Variants in RPH3AL observed in about 807,000 individuals in gnomAD.
RPH3AL encodes the protein rabphilin 3A like (without C2 domains).
RPH3AL carries 38 observed loss-of-function variants against 43.1 expected under a neutral mutation model. That is an observed-to-expected ratio of 0.88 (90% CI 0.68 to 1.15). The LOEUF is 1.15. Ranked by LOEUF, RPH3AL falls within the 50% of genes most tolerant of loss-of-function variation. RPH3AL has a pLI of 0.00. For missense variants in RPH3AL, 462 were observed against 423.2 expected (o/e 1.09, Z -0.81); for synonymous variants, 189 against 176.3 (o/e 1.07, Z -0.57).
chr17:238,783 T>A (rs1361113910), intron 7 of RPH3AL, among the ~76,000 whole-genome samples: 2 of 152,166 alleles, frequency 1.3e-5, no homozygotes, highest in Non-Finnish European at 2.9e-5. Context: ...GAAATCCAGC[T>A]TGAAGGCAAG....
chr17:275,969 A>C (rs2042646326), intron 6 of RPH3AL, among the ~76,000 whole-genome samples: 1 of 152,228 alleles, frequency 6.6e-6, no homozygotes, highest in African/African-American at 2.4e-5. Context: ...TGGAAAGTCC[A>C]GAGCTGGGAA....
intron 5 of RPH3AL, among the ~76,000 whole-genome samples, chr17:302,782 T>C (rs1471287844): frequency 2.0e-5 from 3 of 152,218 alleles, no homozygotes. Flanking sequence ...ACATGTATAG[T>C]CATGGGACGA....
chr17:297,396 G>A (rs2043209878), intron 5 of RPH3AL, among the ~76,000 whole-genome samples: 1 of 152,234 alleles, frequency 6.6e-6, no homozygotes, highest in African/African-American at 2.4e-5. Flanking sequence ...TTCACAGCCA[G>A]CTGCTCAGAA....
At chr17:258,316 T>C (rs187478926) in intron 6 of RPH3AL, among the ~76,000 whole-genome samples, 1 of 152,354 alleles carries the variant, frequency 6.6e-6, no homozygotes, top group Non-Finnish European at 1.5e-5. Context: ...TAAACGCTGG[T>C]TGAATGACTG....
At chr17:249,631 C>T (rs1555541493) in intron 6 of RPH3AL, among the ~76,000 whole-genome samples, 1 of 151,794 alleles carries the variant, frequency 6.6e-6, no homozygotes, top group African/African-American at 2.4e-5. Context: ...CCGCAAACTT[C>T]CTCTGCATCA....
chr17:265,837 G>A, intron 6 of RPH3AL, among the ~76,000 whole-genome samples: 1 of 120,580 alleles, frequency 8.3e-6, no homozygotes, highest in Admixed American at 8.4e-5. Context: ...GATCCACAGT[G>A]GGCTGTCTTC....
At chr17:273,321 G>A (rs1392250303) in intron 6 of RPH3AL, among the ~76,000 whole-genome samples, 1 of 94,576 alleles carries the variant, frequency 1.1e-5, no homozygotes, top group African/African-American at 3.7e-5. Flanking sequence ...CAGCGAGGGT[G>A]ATGTCAGGGA....
intron 7 of RPH3AL, among the ~76,000 whole-genome samples, chr17:238,984 G>T (rs1426453342): frequency 6.6e-6 from 1 of 152,218 alleles, no homozygotes; most frequent in East Asian, 1.9e-4. Flanking sequence ...CACACTGTCT[G>T]CAGGGATCAG....
At chr17:224,952 C>T (rs946291270) in intron 7 of RPH3AL, among the ~76,000 whole-genome samples, 1 of 104,034 alleles carries the variant, frequency 9.6e-6, no homozygotes, top group Non-Finnish European at 1.8e-5. Flanking sequence ...CATCACACAC[C>T]GGGGCCTGTC....
At chr17:241,711 C>CTTTTTTTTT (rs1001979455) in intron 7 of RPH3AL, among the ~76,000 whole-genome samples, 2 of 92,764 alleles carry the variant, frequency 2.2e-5, no homozygotes, top group South Asian at 4.4e-4. Context: ...GTTTCTTTTT[C>CTTTTTTTTT]TTTTTTTTTC....
At chr17:278,598 C>T (rs7223270) in intron 6 of RPH3AL, among the ~76,000 whole-genome samples, 94,820 of 151,846 alleles carry the variant, frequency 0.62, 33,011 homozygotes, top group Non-Finnish European at 0.78. Flanking sequence ...GTCATTTTGT[C>T]GGTGGGCCCC....
At chr17:296,577 A>G (rs1201522886) in intron 5 of RPH3AL, among the ~76,000 whole-genome samples, 1 of 152,198 alleles carries the variant, frequency 6.6e-6, no homozygotes, top group Non-Finnish European at 1.5e-5. Flanking sequence ...TGTCAAGCCC[A>G]GAGGCCAGGC....
In RPH3AL at chr17:247,274, CCT is replaced by C. The variant is rs759891838; in HGVS notation, c.448_449del (p.Arg150ValfsTer23). On this transcript the variant is annotated frameshift_variant, in exon 7 of 10. Transcript: ENST00000331302. LOFTEE classifies it high-confidence loss of function. ...ICSEQREVWK[R>X]SGAWFYKGLP... ...GCCCTTTGTAGAACCAGGCCCCCGACCTCTTCCAGACCTGAGTGGGGGAAGAG... is the reference window on the plus strand; with the variant it reads ...GCCCTTTGTAGAACCAGGCCCCCGACCTTCCAGACCTGAGTGGGGGAAGAG... 1.9e-6 allele frequency: 3 copies of C among 1,587,518 alleles called. No individual in the cohort carries two copies. The highest frequency in any genetic ancestry group is 2.6e-6 in the Non-Finnish European group (3 of 1,165,836).
chr17:327,521 C>A lies in RPH3AL; in HGVS notation c.23G>T (p.Ser8Ile), dbSNP rs1346808358. ...GGGGCAAACCCACTGATCATTCCCG[C>A]TGCCGAAGATGGTGTCGGCCATGGC... MADTIFG[S>I]GNDQWVCPND... Residue 8 changes from serine to isoleucine, a missense_variant, in exon 3 of 10, where the codon AGC becomes ATC. Ser to Ile is a moderately radical substitution (Grantham distance 142). Coordinates refer to ENST00000331302, the MANE Select transcript of RPH3AL (RefSeq NM_006987.4). 6.2e-7 allele frequency: 1 copy of A among 1,613,846 alleles called. No individual in the cohort carries two copies. The highest frequency in any genetic ancestry group is 8.5e-7 in the Non-Finnish European group (1 of 1,179,984).
intron 7 of RPH3AL, among the ~76,000 whole-genome samples, chr17:241,381 G>A (rs2041530163): frequency 6.6e-6 from 1 of 152,136 alleles, no homozygotes. Context: ...GGGTGACAGA[G>A]CAATACCCTG....
intron 6 of RPH3AL, among the ~76,000 whole-genome samples, chr17:250,992 G>A (rs1034459150): frequency 6.6e-6 from 1 of 152,224 alleles, no homozygotes; most frequent in East Asian, 1.9e-4. Flanking sequence ...CTCTCTACCC[G>A]CAATCTGCCT....
At chr17:234,250 C>G in intron 7 of RPH3AL, 1 of 118,538 alleles carries the variant, frequency 8.4e-6, no homozygotes, top group East Asian at 2.6e-4. Flanking sequence ...GGCTACTTAC[C>G]CTGACCAACT....
chr17:303,118 C>G (rs984618042), intron 5 of RPH3AL, among the ~76,000 whole-genome samples: 9 of 152,300 alleles, frequency 5.9e-5, no homozygotes, highest in African/African-American at 2.2e-4. Flanking sequence ...GTAACTGTAT[C>G]GTTAAGGTTG....
chr17:352,800 G>C lies in RPH3AL; in HGVS notation c.-301C>G, dbSNP rs556846256. The C allele has an allele frequency of 6.6e-6, 1 of 152,358 alleles. No individual in the cohort carries two copies. 9.4% of individuals were successfully genotyped at this position (152,358 alleles called of 1,614,324 possible). On this transcript the variant is annotated 5_prime_UTR_variant, in exon 1 of 10. Coordinates refer to ENST00000331302, the MANE Select transcript of RPH3AL (RefSeq NM_006987.4). ...ACCACCGTTGTCGGGGGTGACCCGAGGTGTTCCAGATGAGGAGCTGAATCA... is the reference window on the plus strand; with the variant it reads ...ACCACCGTTGTCGGGGGTGACCCGACGTGTTCCAGATGAGGAGCTGAATCA...
Sources: gnomAD v4.1 joint callset for allele counts (sites outside exome capture counted in the v4.1 genomes callset) on GRCh38, gnomAD v4.1.1 for gene constraint, MANE v1.5 for transcripts, NCBI Gene and HGNC (gene_info 2026-07-23, HGNC 2026-07-21) for gene names.